SBF1: variants seen among roughly 807,000 people sequenced by gnomAD.
SBF1 encodes the protein SET binding factor 1.
A neutral mutation model predicts 215.8 loss-of-function variants in SBF1; 65 were observed. The ratio of observed to expected loss-of-function variants is 0.30; its 90% CI spans 0.25 to 0.37. The LOEUF (loss-of-function observed/expected upper bound fraction) is 0.37. Among genes scored for constraint, SBF1 ranks in the 10% least tolerant of loss-of-function variants. The probability of loss-of-function intolerance (pLI) is 1.00; values close to 1 mark genes in which losing one functional copy is unlikely to be tolerated. For missense variants in SBF1, 2,634 were observed against 2,667.8 expected (o/e 0.99, Z 0.28); for synonymous variants, 1,410 against 1,122.8 (o/e 1.26, Z -5.11).
chr22:50,474,642 C>T, intron 1 of SBF1, 144 bp downstream of exon 1: 1 of 538,722 alleles, frequency 1.9e-6, no homozygotes, highest in East Asian at 4.3e-5. Flanking sequence ...CGGCCCTCAG[C>T]GCCCGGCCCT....
chr22:50,463,540 G>T, intron 15 of SBF1, 108 bp from the exon 16 acceptor site: 1 of 1,239,374 alleles, frequency 8.1e-7, no homozygotes, highest in Non-Finnish European at 1.1e-6. Flanking sequence ...CTTTCAGGTG[G>T]GGTGTGCCAG....
rs572355603 is a variant in SBF1 at position 50,461,189 on chromosome 22, G to A, written c.2937C>T (p.Asp979=). Residue 979 remains aspartate, a synonymous_variant, in exon 23 of 41, where the codon GAC becomes GAT. Coordinates refer to ENST00000380817, the MANE Select transcript of SBF1 (RefSeq NM_002972.4). ...VQTPVDQLLQ[D]GLQLRSCTFQ... Reference sequence around the variant, plus strand: ...ATGTGCAGGAGCGCAGCTGGAGCCCGTCCTGCAGGAGCTGGTCCACAGGGG... The same window carrying A: ...ATGTGCAGGAGCGCAGCTGGAGCCCATCCTGCAGGAGCTGGTCCACAGGGG... The A allele has an allele frequency of 1.2e-4, 192 of 1,609,538 alleles. No individual in the cohort carries two copies. Among genetic ancestry groups the A allele is most frequent in the Non-Finnish European group, 1.4e-4 (169 of 1,177,624 alleles).
chr22:50,456,706 G>T (rs776783596), intron 29 of SBF1, 33 bp from the exon 30 acceptor site: 5 of 1,442,824 alleles, frequency 3.5e-6, no homozygotes, highest in Non-Finnish European at 4.6e-6. Context: ...GCACCCAAAG[G>T]GGGCCAGGGC....
chr22:50,464,356 A>C lies in SBF1; in HGVS notation c.1722T>G (p.Phe574Leu), dbSNP rs746208885. ...EVVRNCISYVFEGKMLEAKKL... is the reference protein window; with the variant it reads ...EVVRNCISYVLEGKMLEAKKL... The stretch of plus-strand genomic sequence containing the variant: ...TCTTGGCCTCAAGCATTTTCCCCTC[A>C]AACACGTAGGAGATGCAGTTGCGCA... The change falls in exon 15 of 41, where the codon TTT becomes TTG. Residue 574 changes from phenylalanine to leucine, a missense_variant. Physicochemically the swap from Phe to Leu is conservative, Grantham distance 22 (BLOSUM62 0). Coordinates refer to ENST00000380817, the MANE Select transcript of SBF1 (RefSeq NM_002972.4). The C allele has an allele frequency of 1.2e-6, 2 of 1,614,022 alleles. No homozygotes were observed. Among genetic ancestry groups the C allele is most frequent in the South Asian group, 2.2e-5 (2 of 91,076 alleles).
intron 28 of SBF1, among the ~76,000 whole-genome samples, chr22:50,457,598 G>A (rs1461775407): frequency 6.6e-6 from 1 of 152,258 alleles, no homozygotes; most frequent in Non-Finnish European, 1.5e-5. Context: ...CCGAAGAGGG[G>A]AGAGGGTGGG....
chr22:50,468,010 C>CTGTGTGTGT, intron 2 of SBF1, 87 bp from the exon 3 acceptor site: 1 of 1,519,856 alleles, frequency 6.6e-7, no homozygotes, highest in Non-Finnish European at 9.0e-7. Flanking sequence ...ACCACCAGGC[C>CTGTGTGTGT]TGGAGGCTCC....
rs367840339 is a variant in SBF1, at chr22:50,455,336, T to C, written c.4442A>G (p.Lys1481Arg). The change falls in exon 33 of 41, where the codon AAG becomes AGG. Residue 1481 changes from lysine (K) to arginine (R), a missense_variant. Transcript: ENST00000380817. ...TLEGFRLLVEKEWLSFGHRFS... is the reference protein window; with the variant it reads ...TLEGFRLLVEREWLSFGHRFS... ...GCGATGGCCGAAGGACAGCCACTCC[T>C]TCTCCACCAGCAGGCGAAAGCCCTC... The C allele has an allele frequency of 3.1e-6, 5 of 1,613,458 alleles. No homozygotes were observed. Among genetic ancestry groups the C allele is most frequent in the Non-Finnish European group, 4.2e-6 (5 of 1,179,958 alleles).
At chr22:50,448,082 C>T (rs2148551596) in intron 38 of SBF1, 151 bp downstream of exon 38, 2 of 717,688 alleles carry the variant, frequency 2.8e-6, no homozygotes, top group South Asian at 1.8e-5. Context: ...CAGCTGTGGT[C>T]ACCAGTTCGA....
In SBF1 at chr22:50,464,341, A is replaced by T; in HGVS notation, c.1737T>A (p.Leu579=). Residue 579 remains leucine (L), a synonymous_variant, in exon 15 of 41, where the codon CTT becomes CTA. Transcript: ENST00000380817. The stretch of plus-strand genomic sequence containing the variant: ...GCACAGCCCTCACCTTCTTGGCCTC[A>T]AGCATTTTCCCCTCAAACACGTAGG... ...CISYVFEGKM[L]EAKKLLPAVL... 6.2e-7 allele frequency: 1 copy of T among 1,613,794 alleles called. No individual in the cohort carries two copies. Among genetic ancestry groups the T allele is most frequent in the South Asian group, 1.1e-5 (1 of 91,022 alleles).
At chr22:50,448,743 C>G in intron 36 of SBF1, 93 bp from the exon 37 acceptor site, 2 of 1,005,674 alleles carry the variant, frequency 2.0e-6, no homozygotes, top group East Asian at 4.9e-5. Flanking sequence ...AGAGACACAA[C>G]GGAAAGGCCT....
rs71198249 is a variant in SBF1 at position 50,449,657 on chromosome 22, C to CACACACACACA, written c.5044-1008_5044-1007insTGTGTGTGTGT. ...ACACACACACACACACACACACACACCCCAAAATGGGACAGAAAAACTGCT... is the reference window on the plus strand; with the variant it reads ...ACACACACACACACACACACACACACACACACACACACCCAAAATGGGACAGAAAAACTGCT... On this transcript the variant is annotated intron_variant, in intron 36 of 40. Coordinates refer to ENST00000380817, the MANE Select transcript of SBF1 (RefSeq NM_002972.4). Among the ~76,000 whole-genome samples, 3 of 145,096 alleles carry CACACACACACA rather than the reference C, an allele frequency of 2.1e-5. No homozygotes were observed. In the South Asian group the frequency reaches 6.4e-4, roughly 31 times the overall value.
chr22:50,462,770 G>T, intron 17 of SBF1, 53 bp from the exon 18 acceptor site: 1 of 1,609,266 alleles, frequency 6.2e-7, no homozygotes, highest in Non-Finnish European at 8.5e-7. Flanking sequence ...AGGGCGGCTG[G>T]GAAGGAGACC....
Position 50,464,852 on chromosome 22 carries a change from G to A in SBF1, c.1398C>T (p.His466=), listed in dbSNP as rs184723910. The A allele has an allele frequency of 2.2e-5, 35 of 1,613,686 alleles. No homozygotes were observed. The highest frequency in any genetic ancestry group is 2.6e-5 in the Non-Finnish European group (31 of 1,180,012). The change falls in exon 13 of 41, where the codon CAC becomes CAT. Residue 466 remains histidine (H), a synonymous_variant. Transcript: ENST00000380817. ...AGAGCTGCTCTGCCAGTTCCTGGAC[G>A]TGACGCAGGACACGCTGGGGGTGGT... is the stretch of plus-strand genomic sequence containing the variant. ...DENHPQRVLR[H]VQELAEQLYK...
chr22:50,447,273 C>A, intron 40 of SBF1, 33 bp from the exon 41 acceptor site: 1 of 1,613,424 alleles, frequency 6.2e-7, no homozygotes. Flanking sequence ...CTCCGCAGCC[C>A]CCACACCGCA....
chr22:50,466,133 C>G lies in SBF1; in HGVS notation c.897+17G>C. 1 of 1,613,522 alleles carries G rather than the reference C, an allele frequency of 6.2e-7. No individual in the cohort carries two copies. Among genetic ancestry groups the G allele is most frequent in the South Asian group, 1.1e-5 (1 of 91,090 alleles). On this transcript the variant is annotated intron_variant, in intron 8 of 40. Transcript: ENST00000380817. Reference sequence around the variant, plus strand: ...GCAGGCCTGGGCCGTGAGGTGGACACAAAGCACAGCCCTTACCAGCTCCTG... The same window carrying G: ...GCAGGCCTGGGCCGTGAGGTGGACAGAAAGCACAGCCCTTACCAGCTCCTG...
chr22:50,474,707 T>G, intron 1 of SBF1, 79 bp downstream of exon 1: 4 of 851,346 alleles, frequency 4.7e-6, no homozygotes, highest in Non-Finnish European at 4.9e-6. Flanking sequence ...CCCCCGGCCC[T>G]CGACCCTCAG....
intron 36 of SBF1, among the ~76,000 whole-genome samples, chr22:50,449,539 CAG>C (rs759864511): frequency 4.6e-5 from 7 of 151,086 alleles, no homozygotes; most frequent in South Asian, 2.1e-4. Context: ...CACTTAAACT[CAG>C]GGGGCGGAAG....
chr22:50,448,521 G>A (rs777294381), intron 37 of SBF1, 22 bp downstream of exon 37: 100 of 1,609,568 alleles, frequency 6.2e-5, no homozygotes, highest in Non-Finnish European at 8.3e-5. Flanking sequence ...CACCGTGGAC[G>A]CTCACACTGG....
rs1290491862 is a variant in SBF1 at position 50,465,326 on chromosome 22, G to A, written c.1092C>T (p.Asp364=). 11 of 1,582,178 alleles carry A rather than the reference G, an allele frequency of 7.0e-6. No homozygotes were observed. The highest frequency in any genetic ancestry group is 9.4e-6 in the Non-Finnish European group (11 of 1,164,628). ...TTSTSSLKMQ[D]KELRAVFLRL... ...GCAGGAAGACCGCGCGCAGCTCCTT[G>A]TCCTGGGAGAAGAGCTGAGTGCAGG... is the stretch of plus-strand genomic sequence containing the variant. The change falls in exon 11 of 41, where the codon GAC becomes GAT. Residue 364 remains aspartate, a splice_region_variant and synonymous_variant. Transcript: ENST00000380817.
Sources: gnomAD v4.1 joint callset for allele counts (sites outside exome capture counted in the v4.1 genomes callset) on GRCh38, gnomAD v4.1.1 for gene constraint, MANE v1.5 for transcripts, NCBI Gene and HGNC (gene_info 2026-07-23, HGNC 2026-07-21) for gene names.